The following CNTN5 variants were observed in gnomAD, a reference collection of about 807,000 sequenced individuals.
CNTN5 encodes the protein contactin-5.
CNTN5 carries 77 observed loss-of-function variants against 129.1 expected under a neutral mutation model. That is an observed-to-expected ratio of 0.60 (90% CI 0.50 to 0.72). The LOEUF is 0.72. Ranked by LOEUF, CNTN5 falls within the 30% of genes least tolerant of loss-of-function variation. The pLI, the probability that CNTN5 is intolerant of heterozygous loss-of-function variation, is 0.00. For synonymous variants in CNTN5, 509 were observed against 465.6 expected, an observed-to-expected ratio of 1.09 and a Z score of -1.20; for missense variants, 1,478 against 1,328.8, an observed-to-expected ratio of 1.11 and a Z score of -1.75.
chr11:99,029,459 A>G (rs1175303707), intron 1 of CNTN5, among the ~76,000 whole-genome samples: 2 of 152,086 alleles, frequency 1.3e-5, no homozygotes, highest in African/African-American at 4.8e-5. Context: ...CAGTCAGGAC[A>G]CAGCTTAATA....
At chr11:100,232,833 G>T (rs1271193807) in intron 16 of CNTN5, among the ~76,000 whole-genome samples, 1 of 152,108 alleles carries the variant, frequency 6.6e-6, no homozygotes, top group Non-Finnish European at 1.5e-5. Context: ...CTGACCATCA[G>T]CTTCATTACT....
At chr11:100,298,123 C>T (rs1315043884) in intron 19 of CNTN5, among the ~76,000 whole-genome samples, 1 of 151,142 alleles carries the variant, frequency 6.6e-6, no homozygotes, top group Non-Finnish European at 1.5e-5. Flanking sequence ...GTTAAATAAC[C>T]TTATTATTAA....
chr11:100,040,980 T>G (rs1389883373), intron 9 of CNTN5, among the ~76,000 whole-genome samples: 1 of 152,180 alleles, frequency 6.6e-6, no homozygotes, highest in East Asian at 1.9e-4. Context: ...CTGCACCCAC[T>G]GTCCTGCACC....
chr11:99,992,648 C>T (rs1458862475), intron 8 of CNTN5, among the ~76,000 whole-genome samples: 1 of 152,114 alleles, frequency 6.6e-6, no homozygotes, highest in Non-Finnish European at 1.5e-5. Context: ...AATAAGTTGT[C>T]CAGGTTTTTC....
chr11:100,207,542 T>A (rs1948942814), intron 15 of CNTN5, among the ~76,000 whole-genome samples: 1 of 152,144 alleles, frequency 6.6e-6, no homozygotes, highest in African/African-American at 2.4e-5. Flanking sequence ...AACTAAAAAA[T>A]ACTGCATTTT....
intron 1 of CNTN5, among the ~76,000 whole-genome samples, chr11:99,271,151 A>C (rs1863152550): frequency 6.6e-6 from 1 of 151,946 alleles, no homozygotes; most frequent in Non-Finnish European, 1.5e-5. Flanking sequence ...TGTTGATATA[A>C]AATTAATTTG....
intron 6 of CNTN5, among the ~76,000 whole-genome samples, chr11:99,885,939 A>G (rs1391521479): frequency 6.6e-6 from 1 of 152,186 alleles, no homozygotes; most frequent in African/African-American, 2.4e-5. Flanking sequence ...AAAATTAATC[A>G]TTAACTTAAA....
intron 3 of CNTN5, among the ~76,000 whole-genome samples, chr11:99,581,552 C>A (rs1391208729): frequency 6.6e-6 from 1 of 151,748 alleles, no homozygotes; most frequent in Non-Finnish European, 1.5e-5. Flanking sequence ...ATAGTTAGCT[C>A]TTCTTGTTGA....
intron 4 of CNTN5, among the ~76,000 whole-genome samples, chr11:99,828,417 G>A (rs998359680): frequency 1.3e-5 from 2 of 152,170 alleles, no homozygotes; most frequent in African/African-American, 4.8e-5. Flanking sequence ...CATTCGTGCT[G>A]TGTCATCATA....
chr11:99,094,958 A>ATAT (rs562112129), intron 1 of CNTN5, among the ~76,000 whole-genome samples: 2 of 151,712 alleles, frequency 1.3e-5, no homozygotes, highest in East Asian at 1.9e-4. Context: ...ACAACCATGC[A>ATAT]TATTATTATT....
chr11:100,092,466 C>T (rs879818288), intron 13 of CNTN5, among the ~76,000 whole-genome samples: 34 of 152,072 alleles, frequency 2.2e-4, no homozygotes, highest in Non-Finnish European at 4.3e-4. Context: ...CTTTCCACTG[C>T]CCAGACTTTT....
intron 2 of CNTN5, among the ~76,000 whole-genome samples, chr11:99,340,855 C>T (rs1279126406): frequency 1.3e-5 from 2 of 152,162 alleles, no homozygotes; most frequent in Admixed American, 6.5e-5. Context: ...TTCATGACCA[C>T]AAAATATAAT....
At chr11:99,830,449 GGGCAAT>G (rs1490161882) in intron 4 of CNTN5, among the ~76,000 whole-genome samples, 1 of 152,050 alleles carries the variant, frequency 6.6e-6, no homozygotes, top group Middle Eastern at 3.2e-3. Flanking sequence ...CTTGGCACAT[GGGCAAT>G]GGCATCCTGA....
chr11:99,672,502 A>G (rs1220478729), intron 3 of CNTN5, among the ~76,000 whole-genome samples: 3 of 151,612 alleles, frequency 2.0e-5, no homozygotes, highest in African/African-American at 7.3e-5. Flanking sequence ...CTTCTCTGAT[A>G]TGCACCCCAA....
chr11:100,010,555 G>A (rs1363456430), intron 9 of CNTN5, among the ~76,000 whole-genome samples: 2 of 152,092 alleles, frequency 1.3e-5, no homozygotes, highest in Non-Finnish European at 2.9e-5. Flanking sequence ...AATAAACAAC[G>A]ATGGTGTTCC....
At chr11:99,045,328 A>C (rs537575523) in intron 1 of CNTN5, among the ~76,000 whole-genome samples, 4 of 152,388 alleles carry the variant, frequency 2.6e-5, no homozygotes, top group Middle Eastern at 6.8e-3. Flanking sequence ...TATTGACTGC[A>C]TGCCTGATAG....
At chr11:99,597,128 G>A (rs1294415343) in intron 3 of CNTN5, among the ~76,000 whole-genome samples, 2 of 152,126 alleles carry the variant, frequency 1.3e-5, no homozygotes, top group Non-Finnish European at 2.9e-5. Flanking sequence ...CTCTCCTACT[G>A]TTGTAAGAGG....
intron 3 of CNTN5, among the ~76,000 whole-genome samples, chr11:99,574,770 T>C (rs1423054305): frequency 1.3e-5 from 2 of 152,178 alleles, no homozygotes; most frequent in Non-Finnish European, 2.9e-5. Context: ...TGTTTTTTTT[T>C]CCTGTAAACG....
At chr11:100,282,216 G>A (rs1461503997) in intron 18 of CNTN5, among the ~76,000 whole-genome samples, 1 of 152,132 alleles carries the variant, frequency 6.6e-6, no homozygotes, top group Non-Finnish European at 1.5e-5. Context: ...GGCTGGGCTT[G>A]TTTGTAACCT....
Sources: allele counts gnomAD v4.1 joint callset (sites outside exome capture counted in the v4.1 genomes callset), GRCh38; gene constraint gnomAD v4.1.1; transcripts MANE v1.5; gene names NCBI Gene and HGNC (gene_info 2026-07-23, HGNC 2026-07-21).